Variants in MARCHF10 observed in about 807,000 individuals in gnomAD.
MARCHF10 encodes probable E3 ubiquitin-protein ligase MARCHF10.
MARCHF10 carries 64 observed loss-of-function variants against 76.2 expected under a neutral mutation model. The ratio of observed to expected loss-of-function variants is 0.84; its 90% confidence interval spans 0.69 to 1.03. The LOEUF (loss-of-function observed/expected upper bound fraction) is 1.03, where lower values mean the gene tolerates loss of function less well. Ranked by LOEUF, MARCHF10 falls within the 50% of genes least tolerant of loss-of-function variation. The pLI, the probability that MARCHF10 is intolerant of heterozygous loss-of-function variation, is 0.00. For missense variants in MARCHF10, 875 were observed against 958.0 expected, an observed-to-expected ratio of 0.91 and a Z score of 1.14; for synonymous variants, 340 against 357.5, an observed-to-expected ratio of 0.95 and a Z score of 0.55.
intron 3 of MARCHF10, among the ~76,000 whole-genome samples, chr17:62,784,555 A>T (rs539828560): frequency 6.6e-6 from 1 of 152,336 alleles, no homozygotes; most frequent in East Asian, 1.9e-4. Flanking sequence ...AATAAAGGGT[A>T]TTCAATTAGG....
rs144293374 is a variant in MARCHF10 at position 62,718,592 on chromosome 17, C to T, written c.2214+3896G>A. On this transcript the variant is annotated intron_variant, in intron 8 of 10. Coordinates refer to ENST00000311269, the MANE Select transcript of MARCHF10 (RefSeq NM_152598.4). ...CCTCCTTAGGAGATTCGGCAGGCTC[C>T]GTTGCCCAAAATGATCTATTTCTTG... is the stretch of plus-strand genomic sequence containing the variant. 2.6e-3 allele frequency among the ~76,000 whole-genome samples: 399 copies of T among 152,296 alleles called. 4 individuals are homozygous for T. The highest frequency in any genetic ancestry group is 9.1e-3 in the African/African-American group (379 of 41,556).
intron 6 of MARCHF10, among the ~76,000 whole-genome samples, chr17:62,729,017 C>T (rs2090892227): frequency 6.6e-6 from 1 of 152,132 alleles, no homozygotes; most frequent in Non-Finnish European, 1.5e-5. Context: ...CTCACTGCAG[C>T]CTCTGCCACC....
chr17:62,718,041 C>T (rs1341693042), intron 8 of MARCHF10, among the ~76,000 whole-genome samples: 4 of 152,150 alleles, frequency 2.6e-5, no homozygotes, highest in African/African-American at 4.8e-5. Flanking sequence ...CCAAGTCAGT[C>T]GAGCGTCTCT....
chr17:62,722,444 TA>T, intron 8 of MARCHF10, 43 bp downstream of exon 8: 1 of 1,408,928 alleles, frequency 7.1e-7, no homozygotes, highest in Non-Finnish European at 1.0e-6. Context: ...CCTGCCCCTC[TA>T]ACATACTTTA....
chr17:62,724,052 G>C (rs562465243), intron 7 of MARCHF10, among the ~76,000 whole-genome samples: 2 of 152,128 alleles, frequency 1.3e-5, no homozygotes, highest in South Asian at 2.1e-4. Context: ...GGATAGTGAC[G>C]GCTAAGGAGA....
intron 4 of MARCHF10, chr17:62,746,921 C>T: frequency 1.1e-5 from 17 of 1,536,134 alleles, no homozygotes; most frequent in Non-Finnish European, 1.5e-5. Flanking sequence ...ACTGCACCAG[C>T]CAGAAGGTCC....
In MARCHF10 at chr17:62,736,665, AAG is replaced by A. The variant is rs2091279725; in HGVS notation, c.1201_1202del (p.Leu401PhefsTer17). 1.9e-6 allele frequency: 3 copies of A among 1,613,994 alleles called. No individual in the cohort carries two copies. In the Admixed American group the frequency reaches 5.0e-5, roughly 27 times the overall value. On this transcript the variant is annotated frameshift_variant, in exon 6 of 11. Transcript: ENST00000311269. LOFTEE classifies it high-confidence loss of function. Reference sequence around the variant, plus strand: ...TGGGCTCGGATTTGGTGTCCCACGAAAGAGGGCTCTTTTTCGCATTTTCACTG... The same window carrying A: ...TGGGCTCGGATTTGGTGTCCCACGAAAGGGCTCTTTTTCGCATTTTCACTG... ...GGSENAKKSP[L>X]SWDTKSEPRQ...
At chr17:62,702,163 A>G (rs531991630) in intron 10 of MARCHF10, among the ~76,000 whole-genome samples, 72 of 151,458 alleles carry the variant, frequency 4.8e-4, no homozygotes, top group African/African-American at 1.7e-3. Context: ...TTCAGAAATC[A>G]ATGGCTGGAT....
intron 3 of MARCHF10, among the ~76,000 whole-genome samples, chr17:62,775,815 A>ATTATTTAT (rs60005982): frequency 1.3e-5 from 2 of 150,656 alleles, no homozygotes; most frequent in East Asian, 2.0e-4. Context: ...CGTCTTTTCA[A>ATTATTTAT]TTATTTATTT....
At chr17:62,754,695 G>A (rs1387274739) in intron 4 of MARCHF10, among the ~76,000 whole-genome samples, 1 of 151,996 alleles carries the variant, frequency 6.6e-6, no homozygotes, top group Admixed American at 6.6e-5. Context: ...CGACAACCCC[G>A]AGCCCCCCTG....
At chr17:62,799,722 G>A (rs1335171436) in intron 2 of MARCHF10, among the ~76,000 whole-genome samples, 1 of 151,556 alleles carries the variant, frequency 6.6e-6, no homozygotes, top group African/African-American at 2.4e-5. Flanking sequence ...CTCCAGCCTG[G>A]GCAACAAGAG....
chr17:62,720,975 C>A (rs552548388), intron 8 of MARCHF10, among the ~76,000 whole-genome samples: 39 of 145,218 alleles, frequency 2.7e-4, no homozygotes, highest in Admixed American at 1.9e-3. Flanking sequence ...TCAAGCGATT[C>A]TCAAGCCTCA....
rs984068103 is a variant in MARCHF10 at position 62,738,482 on chromosome 17, A to G, written c.536-1150T>C. 6.6e-6 allele frequency among the ~76,000 whole-genome samples: 1 copy of G among 151,948 alleles called. No homozygotes were observed. Among genetic ancestry groups the G allele is most frequent in the African/African-American group, 2.4e-5 (1 of 41,334 alleles). ...CCCCCGCTTTGTTCTCCTCTCTGCT[A>G]TTGTGTGGGATCTGATGAGATGCTG... On this transcript the variant is annotated intron_variant, in intron 5 of 10. Transcript: ENST00000311269. The surrounding 1 kb of genome is among the most constrained non-coding windows in gnomAD (Gnocchi z 4.0).
chr17:62,790,838 T>G (rs563222556), intron 2 of MARCHF10, among the ~76,000 whole-genome samples: 1 of 152,248 alleles, frequency 6.6e-6, no homozygotes, highest in African/African-American at 2.4e-5. Flanking sequence ...ACATCGTGCT[T>G]TATGTCTGAA....
intron 8 of MARCHF10, among the ~76,000 whole-genome samples, chr17:62,715,734 T>A (rs1217223486): frequency 6.6e-6 from 1 of 152,158 alleles, no homozygotes; most frequent in Non-Finnish European, 1.5e-5. Flanking sequence ...TGATCCCCTC[T>A]CCAGATGCTT....
At chr17:62,750,998 C>T (rs1187586114) in intron 4 of MARCHF10, among the ~76,000 whole-genome samples, 2 of 152,074 alleles carry the variant, frequency 1.3e-5, no homozygotes, top group Non-Finnish European at 2.9e-5. Context: ...CTTTCTGCTG[C>T]GGAGGGGAAG....
chr17:62,752,587 T>C (rs1477639988), intron 4 of MARCHF10, among the ~76,000 whole-genome samples: 1 of 152,018 alleles, frequency 6.6e-6, no homozygotes, highest in Non-Finnish European at 1.5e-5. Context: ...TCTGCCAGCT[T>C]TACTTCTTAA....
At chr17:62,767,165 T>A (rs2147990387) in intron 3 of MARCHF10, among the ~76,000 whole-genome samples, 1 of 152,016 alleles carries the variant, frequency 6.6e-6, no homozygotes, top group Admixed American at 6.6e-5. Context: ...TGATAGAGAG[T>A]GGGGTCCCAC....
intron 9 of MARCHF10, among the ~76,000 whole-genome samples, chr17:62,709,811 AC>A (rs35801650): frequency 0.053 from 8,133 of 152,124 alleles, 340 homozygotes; most frequent in African/African-American, 0.12. Context: ...GTGCGGTGGC[AC>A]CAATCATGGC....
Sources: allele counts gnomAD v4.1 joint callset (sites outside exome capture counted in the v4.1 genomes callset), GRCh38; gene constraint gnomAD v4.1.1; non-coding constraint Gnocchi (gnomAD v3.1); transcripts MANE v1.5; gene names NCBI Gene and HGNC (gene_info 2026-07-23, HGNC 2026-07-21).